CLEC16A: variants seen among roughly 807,000 people sequenced by gnomAD.
CLEC16A encodes the protein C-type lectin domain containing 16A, also known as protein CLEC16A.
A neutral mutation model predicts 109.5 loss-of-function variants in CLEC16A; 51 were observed. The ratio of observed to expected loss-of-function variants is 0.47; its 90% confidence interval spans 0.37 to 0.59. The LOEUF is 0.59. CLEC16A is among the 20% of genes least tolerant of loss of function. The pLI is 0.00. For missense variants in CLEC16A, 1,339 were observed against 1,394.0 expected (o/e 0.96, Z 0.63); for synonymous variants, 673 against 564.2 (o/e 1.19, Z -2.73).
At chr16:11,162,864 G>A (rs796581598) in intron 22 of CLEC16A, among the ~76,000 whole-genome samples, 5 of 152,158 alleles carry the variant, frequency 3.3e-5, no homozygotes, top group Non-Finnish European at 5.9e-5. Context: ...CCACAGTGTC[G>A]TCTGCAGCAT....
intron 4 of CLEC16A, among the ~76,000 whole-genome samples, chr16:10,969,576 G>A (rs8054658): frequency 0.044 from 6,641 of 152,160 alleles, 526 homozygotes; most frequent in African/African-American, 0.15. Context: ...TTGAACTTCC[G>A]GGGCACAAGC....
intron 19 of CLEC16A, among the ~76,000 whole-genome samples, chr16:11,068,279 G>A (rs1490089094): frequency 6.6e-6 from 1 of 152,192 alleles, no homozygotes; most frequent in East Asian, 1.9e-4. Flanking sequence ...TGGTCCTCAG[G>A]CAGGTGGGCC....
intron 7 of CLEC16A, among the ~76,000 whole-genome samples, chr16:10,976,641 C>G (rs545346588): frequency 6.6e-6 from 1 of 152,340 alleles, no homozygotes; most frequent in East Asian, 1.9e-4. Flanking sequence ...GTGGTGAAAG[C>G]ATCCTCACCA....
chr16:11,069,531 C>G (rs2048948034), intron 19 of CLEC16A, among the ~76,000 whole-genome samples: 1 of 152,028 alleles, frequency 6.6e-6, no homozygotes, highest in African/African-American at 2.4e-5. Context: ...AACTCCCAGG[C>G]TCAAGCAATC....
intron 11 of CLEC16A, among the ~76,000 whole-genome samples, chr16:11,006,293 T>G (rs1473421816): frequency 6.6e-6 from 1 of 152,118 alleles, no homozygotes; most frequent in East Asian, 1.9e-4. Context: ...GCTCCCTCAG[T>G]AAAAAATGAG....
intron 13 of CLEC16A, among the ~76,000 whole-genome samples, chr16:11,039,125 T>C (rs79461129): frequency 6.6e-6 from 1 of 152,034 alleles, no homozygotes. Flanking sequence ...ACAGTGGCAG[T>C]GAGTTGTGCT....
At chr16:11,015,722 T>C (rs1454885014) in intron 11 of CLEC16A, among the ~76,000 whole-genome samples, 2 of 152,230 alleles carry the variant, frequency 1.3e-5, no homozygotes, top group African/African-American at 2.4e-5. Flanking sequence ...TCCAACGAGA[T>C]TAAGCCAGAA....
intron 19 of CLEC16A, among the ~76,000 whole-genome samples, chr16:11,098,729 A>T (rs2050745522): frequency 6.6e-6 from 1 of 152,182 alleles, no homozygotes; most frequent in Admixed American, 6.5e-5. Context: ...GCTGTGTGTG[A>T]GCTTCAGCCT....
intron 22 of CLEC16A, among the ~76,000 whole-genome samples, chr16:11,162,421 T>C (rs943289098): frequency 6.6e-6 from 1 of 152,176 alleles, no homozygotes; most frequent in African/African-American, 2.4e-5. Context: ...CCCTCCATCA[T>C]CCTCCCTTTT....
chr16:11,088,956 G>A (rs986397461), intron 19 of CLEC16A, among the ~76,000 whole-genome samples: 3 of 152,204 alleles, frequency 2.0e-5, no homozygotes, highest in African/African-American at 7.2e-5. Context: ...AAAAGTGAAA[G>A]TGCCCTGCCA....
intron 19 of CLEC16A, among the ~76,000 whole-genome samples, chr16:11,075,533 C>G (rs371118077): frequency 5.1e-4 from 78 of 152,052 alleles, no homozygotes; most frequent in African/African-American, 1.8e-3. Context: ...ACCCCGGGGG[C>G]TCAAGGGCTC....
intron 22 of CLEC16A, among the ~76,000 whole-genome samples, chr16:11,153,762 TA>T (rs2054390042): frequency 6.6e-6 from 1 of 152,022 alleles, no homozygotes; most frequent in South Asian, 2.1e-4. Context: ...AGGAAATCAA[TA>T]CTTTTATGAT....
In CLEC16A at chr16:10,945,238, G is replaced by A. The variant is rs574435353; in HGVS notation, c.80+441G>A. On this transcript the variant is annotated intron_variant, in intron 1 of 23. Transcript: ENST00000409790. ...AGGTTCCCCACTTGTAAAAAGAGTA[G>A]AGTGACAGCACCTGCTTCCTGCTAT... Among the ~76,000 whole-genome samples the A allele has an allele frequency of 2.6e-5, 4 of 152,336 alleles. No homozygotes were observed. The South Asian group carries it at 8.3e-4, about 32-fold the overall frequency.
chr16:11,171,646 C>T (rs2068516675), intron 23 of CLEC16A, among the ~76,000 whole-genome samples: 3 of 152,176 alleles, frequency 2.0e-5, no homozygotes, highest in African/African-American at 7.2e-5. Flanking sequence ...AGAAGCTGAA[C>T]TTGCAAAGAA....
chr16:11,002,879 T>G (rs2044751433), intron 10 of CLEC16A, among the ~76,000 whole-genome samples, 195 bp from the exon 11 acceptor site: 1 of 152,114 alleles, frequency 6.6e-6, no homozygotes, highest in Non-Finnish European at 1.5e-5. Flanking sequence ...CCTCTGTTGG[T>G]GGACACTTAG....
At chr16:11,105,258 G>A (rs1480227851) in intron 19 of CLEC16A, among the ~76,000 whole-genome samples, 2 of 152,192 alleles carry the variant, frequency 1.3e-5, no homozygotes, top group African/African-American at 2.4e-5. Context: ...ATGCCAGACT[G>A]TACTTGGAAC....
intron 19 of CLEC16A, among the ~76,000 whole-genome samples, chr16:11,066,309 G>C (rs1209328568): frequency 6.6e-6 from 1 of 152,094 alleles, no homozygotes; most frequent in Non-Finnish European, 1.5e-5. Context: ...GGACAGTCTG[G>C]GTACAGCATT....
chr16:10,973,887 CTTTTTTTTTTTTTTT>C (rs569414844), intron 7 of CLEC16A, among the ~76,000 whole-genome samples: 6 of 46,588 alleles, frequency 1.3e-4, no homozygotes, highest in Admixed American at 5.2e-4. Context: ...GGGCTGCTTG[CTTTTTTTTTTTTTTT>C]TTTTTTTTTT....
intron 22 of CLEC16A, among the ~76,000 whole-genome samples, chr16:11,145,899 G>GT (rs2054033955): frequency 6.6e-6 from 1 of 152,170 alleles, no homozygotes; most frequent in Non-Finnish European, 1.5e-5. Flanking sequence ...AGTCCTCACG[G>GT]TAGCCCCACG....
Sources: gnomAD v4.1 joint callset for allele counts (sites outside exome capture counted in the v4.1 genomes callset) on GRCh38, gnomAD v4.1.1 for gene constraint, MANE v1.5 for transcripts, NCBI Gene and HGNC (gene_info 2026-07-23, HGNC 2026-07-21) for gene names.